The following DAGLA variants were observed in gnomAD, a reference collection of about 807,000 sequenced individuals.
DAGLA encodes diacylglycerol lipase-alpha.
Under a neutral mutation model 102.6 loss-of-function variants are expected in DAGLA, and 22 were observed. The observed-to-expected ratio is 0.21, with a 90% CI of 0.15 to 0.31. The LOEUF (loss-of-function observed/expected upper bound fraction) is 0.31, where lower values mean the gene tolerates loss of function less well. Ranked by LOEUF, DAGLA falls within the 10% of genes least tolerant of loss-of-function variation. DAGLA has a pLI of 1.00. For synonymous variants in DAGLA, 578 were observed against 628.9 expected (o/e 0.92, Z 1.21); for missense variants, 927 against 1,446.6 (o/e 0.64, Z 5.83).
chr11:61,700,065 G>T (rs1385608423), intron 1 of DAGLA, among the ~76,000 whole-genome samples: 1 of 152,222 alleles, frequency 6.6e-6, no homozygotes, highest in Non-Finnish European at 1.5e-5. Flanking sequence ...CCCGCGCAGA[G>T]CATGTGACTT....
intron 2 of DAGLA, 99 bp from the exon 3 acceptor site, chr11:61,720,580 C>A: frequency 8.9e-7 from 1 of 1,126,150 alleles, no homozygotes; most frequent in Non-Finnish European, 1.3e-6. Context: ...TGCCAGCCCT[C>A]CTTCCACTGA....
At chr11:61,693,188 G>T (rs908468920) in intron 1 of DAGLA, among the ~76,000 whole-genome samples, 2 of 151,780 alleles carry the variant, frequency 1.3e-5, no homozygotes, top group African/African-American at 4.8e-5. Flanking sequence ...TACAGACGGG[G>T]TTTCACCATG....
chr11:61,728,957 G>C lies in DAGLA; in HGVS notation c.798G>C (p.Leu266=). 1 of 1,614,220 alleles carries C rather than the reference G, an allele frequency of 6.2e-7. No homozygotes were observed. Among genetic ancestry groups the C allele is most frequent in the South Asian group, 1.1e-5 (1 of 91,090 alleles). ...DEANNDILAF[L]SGMPVTRNTK... ...CAAACAATGACATCTTGGCCTTCCT[G>C]TCTGGGATGCCGGTGACCAGAAACA... is the stretch of plus-strand genomic sequence containing the variant. The change falls in exon 8 of 20, where the codon CTG becomes CTC. Residue 266 remains leucine, a synonymous_variant. Transcript: ENST00000257215.
intron 1 of DAGLA, among the ~76,000 whole-genome samples, chr11:61,690,073 G>C (rs1225728009): frequency 6.6e-6 from 1 of 152,168 alleles, no homozygotes; most frequent in East Asian, 1.9e-4. Context: ...TGAGCTTCCA[G>C]GCACCGCAAA....
chr11:61,727,765 A>G (rs2065341516), intron 6 of DAGLA, among the ~76,000 whole-genome samples: 1 of 152,202 alleles, frequency 6.6e-6, no homozygotes, highest in Non-Finnish European at 1.5e-5. Flanking sequence ...CCAGGAGCTT[A>G]GTTTGGTTTC....
In DAGLA at chr11:61,744,378, G is replaced by A. The variant is rs776034043; in HGVS notation, c.3018G>A (p.Thr1006=). 4.1e-5 allele frequency: 66 copies of A among 1,611,606 alleles called. No individual in the cohort carries two copies. The highest frequency in any genetic ancestry group is 9.9e-5 in the South Asian group (9 of 91,058). ...GTGAGCTCATGGACCTGACGCCCAC[G>A]GGCCTCAGTAGCCAGGAATGCCTGG... The part of the protein sequence containing the change: ...SSGELMDLTP[T]GLSSQECLAA... Residue 1006 remains threonine, a synonymous_variant, in exon 20 of 20, where the codon ACG becomes ACA. Coordinates refer to ENST00000257215, the MANE Select transcript of DAGLA (RefSeq NM_006133.3).
chr11:61,695,986 A>G (rs2065061936), intron 1 of DAGLA, among the ~76,000 whole-genome samples: 1 of 152,132 alleles, frequency 6.6e-6, no homozygotes, highest in South Asian at 2.1e-4. Flanking sequence ...GCTGATGTTC[A>G]AGGGTGAGGG....
At chr11:61,687,323 ACTGACT>A (rs947980249) in intron 1 of DAGLA, among the ~76,000 whole-genome samples, 1 of 148,040 alleles carries the variant, frequency 6.8e-6, no homozygotes, top group African/African-American at 2.5e-5. Flanking sequence ...TCCATGCTCC[ACTGACT>A]CTAGCACTCT....
At chr11:61,689,110 A>T (rs1489631120) in intron 1 of DAGLA, among the ~76,000 whole-genome samples, 1 of 152,270 alleles carries the variant, frequency 6.6e-6, no homozygotes, top group African/African-American at 2.4e-5. Flanking sequence ...CCGGGATTAC[A>T]TCAGGCTCCC....
intron 8 of DAGLA, 79 bp from the exon 9 acceptor site, chr11:61,731,238 C>T (rs1284634538): frequency 1.9e-6 from 3 of 1,572,206 alleles, no homozygotes; most frequent in East Asian, 4.5e-5. Context: ...CGCAGGCTCC[C>T]ACCCTGGGGA....
At position 61,708,799 on chromosome 11, in the gene DAGLA, T is replaced by G. The variant is rs2065171408; in HGVS notation, c.-44-11313T>G. Among the ~76,000 whole-genome samples, 3 of 152,192 alleles carry G rather than the reference T, an allele frequency of 2.0e-5. No homozygotes were observed. The South Asian group carries it at 6.2e-4, about 31-fold the overall frequency. ...AGAGGGCTGCGTTGTATATTGAAGG[T>G]CACAACTCTGTGGCCGTTTGAGTAA... On this transcript the variant is annotated intron_variant, in intron 1 of 19. Transcript: ENST00000257215.
At chr11:61,722,797 C>A in intron 3 of DAGLA, 62 bp from the exon 4 acceptor site, 1 of 1,432,686 alleles carries the variant, frequency 7.0e-7, no homozygotes, top group South Asian at 1.2e-5. Context: ...GGCCGGGGTT[C>A]TAGGCCCTTC....
At chr11:61,722,791 G>A (rs750670164) in intron 3 of DAGLA, 68 bp from the exon 4 acceptor site, 27 of 1,356,038 alleles carry the variant, frequency 2.0e-5, no homozygotes, top group South Asian at 7.1e-5. Flanking sequence ...AGGCCAGGCC[G>A]GGGTTCTAGG....
rs1291007542 is a variant in DAGLA at position 61,720,788 on chromosome 11, T to C, written c.205T>C (p.Cys69Arg). The change falls in exon 3 of 20, where the codon TGC (cysteine) becomes CGC (arginine). Residue 69 changes from cysteine (C) to arginine (R), a missense_variant. By Grantham distance (180) the Cys-to-Arg change is radical (BLOSUM62 -3). This residue lies in a region of DAGLA where 231 missense variants were observed against 439.8 expected (regional missense o/e 0.53). Transcript: ENST00000257215. ...GRGYLGILLS[C>R]MIAEMAIIWL... ...CGGCTACCTGGGCATCCTGCTGAGCTGCATGATCGCTGAGATGGCCATCAT... is the reference window on the plus strand; with the variant it reads ...CGGCTACCTGGGCATCCTGCTGAGCCGCATGATCGCTGAGATGGCCATCAT... The C allele has an allele frequency of 6.2e-7, 1 of 1,613,896 alleles. No individual in the cohort carries two copies. Among genetic ancestry groups the C allele is most frequent in the South Asian group, 1.1e-5 (1 of 91,086 alleles).
chr11:61,740,398 G>T, intron 17 of DAGLA, 65 bp from the exon 18 acceptor site: 6 of 1,573,370 alleles, frequency 3.8e-6, no homozygotes, highest in Non-Finnish European at 5.2e-6. Context: ...GAGCCAGGAG[G>T]CCCTGGCACC....
intron 1 of DAGLA, among the ~76,000 whole-genome samples, chr11:61,693,897 T>A (rs947037802): frequency 1.3e-5 from 2 of 152,216 alleles, no homozygotes; most frequent in African/African-American, 2.4e-5. Flanking sequence ...CCAGCACTCC[T>A]CCCATTTTAC....
chr11:61,682,169 T>A (rs537283518), intron 1 of DAGLA, among the ~76,000 whole-genome samples: 1 of 152,314 alleles, frequency 6.6e-6, no homozygotes, highest in South Asian at 2.1e-4. Flanking sequence ...CTGTGTGACC[T>A]TCAGCAGGTG....
At chr11:61,726,532 C>T (rs963247621) in intron 6 of DAGLA, among the ~76,000 whole-genome samples, 4 of 152,226 alleles carry the variant, frequency 2.6e-5, no homozygotes, top group African/African-American at 9.6e-5. Context: ...GGACTTAATG[C>T]CAGGGCACTG....
At chr11:61,683,327 A>G (rs978741790) in intron 1 of DAGLA, among the ~76,000 whole-genome samples, 1 of 152,288 alleles carries the variant, frequency 6.6e-6, no homozygotes, top group Non-Finnish European at 1.5e-5. Context: ...CCACGCAGAC[A>G]CTGTCCAGCA....
Sources: gnomAD v4.1 joint callset for allele counts (sites outside exome capture counted in the v4.1 genomes callset) on GRCh38, gnomAD v4.1.1 for gene constraint, gnomAD v4.1.1 regional missense constraint, MANE v1.5 for transcripts, NCBI Gene and HGNC (gene_info 2026-07-23, HGNC 2026-07-21) for gene names.